Variants in ZMYND8 observed in about 807,000 individuals in gnomAD.
The protein encoded by ZMYND8 is zinc finger MYND-type containing 8.
Under a neutral mutation model 140.8 loss-of-function variants are expected in ZMYND8, and 37 were observed. The ratio of observed to expected loss-of-function variants is 0.26; its 90% CI spans 0.20 to 0.35. The LOEUF is 0.35. Among genes scored for constraint, ZMYND8 ranks in the 10% least tolerant of loss-of-function variants. ZMYND8 has a pLI of 1.00. For synonymous variants in ZMYND8, 592 were observed against 597.1 expected, an observed-to-expected ratio of 0.99 and a Z score of 0.12; for missense variants, 1,068 against 1,570.0, an observed-to-expected ratio of 0.68 and a Z score of 5.40.
At chr20:47,296,718 G>C (rs2077658089) in intron 4 of ZMYND8, among the ~76,000 whole-genome samples, 1 of 152,140 alleles carries the variant, frequency 6.6e-6, no homozygotes, top group African/African-American at 2.4e-5. Context: ...CAATTTGGGA[G>C]GTCAAGGTGG....
At chr20:47,301,984 TCTC>T (rs2078084434) in intron 3 of ZMYND8, among the ~76,000 whole-genome samples, 3 of 119,828 alleles carry the variant, frequency 2.5e-5, no homozygotes, top group African/African-American at 1.2e-4. Flanking sequence ...GCTCTGCACT[TCTC>T]CTCGAAGCAG....
chr20:47,218,464 A>G (rs1168718671), intron 21 of ZMYND8, among the ~76,000 whole-genome samples: 1 of 152,190 alleles, frequency 6.6e-6, no homozygotes, highest in African/African-American at 2.4e-5. Flanking sequence ...TAACTTAGGT[A>G]AATAACTAAA....
chr20:47,235,328 T>C (rs1344274534), intron 16 of ZMYND8, among the ~76,000 whole-genome samples: 2 of 152,164 alleles, frequency 1.3e-5, no homozygotes, highest in East Asian at 1.9e-4. Flanking sequence ...AATGACAAGA[T>C]ACACAGCACA....
At chr20:47,292,336 AAT>A (rs1302360346) in intron 5 of ZMYND8, among the ~76,000 whole-genome samples, 1 of 152,114 alleles carries the variant, frequency 6.6e-6, no homozygotes, top group Non-Finnish European at 1.5e-5. Flanking sequence ...TCTTTTTGTT[AAT>A]AGTCATTAGC....
At position 47,220,284 on chromosome 20, in the gene ZMYND8, A is replaced by G. The variant is rs748773829; in HGVS notation, c.3458T>C (p.Ile1153Thr). 6.4e-7 allele frequency: 1 copy of G among 1,565,150 alleles called. No individual in the cohort carries two copies. The highest frequency in any genetic ancestry group is 8.7e-7 in the Non-Finnish European group (1 of 1,153,758). The change falls in exon 21 of 23, where the codon ATT becomes ACT. Residue 1153 changes from isoleucine to threonine, a missense_variant. This residue lies in a region of ZMYND8 where 180 missense variants were observed against 187.8 expected (regional missense o/e 0.96). Coordinates refer to ENST00000471951, the MANE Select transcript of ZMYND8 (RefSeq NM_001281775.3). ...AGAGCCTTGGTTGGAGCCTAAGAGA[A>G]TGGAGGAGGGCGTCTCTCTGGAGCC... The part of the protein sequence containing the change: ...LSGSRETPSS[I>T]LLGSNQGSVS...
At chr20:47,256,389 G>T (rs1482050758) in intron 12 of ZMYND8, among the ~76,000 whole-genome samples, 1 of 152,292 alleles carries the variant, frequency 6.6e-6, no homozygotes, top group South Asian at 2.1e-4. Flanking sequence ...GGAGGCCGAG[G>T]CGAGTGGATC....
chr20:47,224,040 C>A (rs1224223167), intron 19 of ZMYND8, among the ~76,000 whole-genome samples: 1 of 152,154 alleles, frequency 6.6e-6, no homozygotes, highest in Admixed American at 6.5e-5. Context: ...CCAAAAAAAA[C>A]ACAGTGTCTC....
At position 47,219,055 on chromosome 20, in the gene ZMYND8, A is replaced by ATTT. The variant is rs3092175; in HGVS notation, c.3484+1200_3484+1202dup. On this transcript the variant is annotated intron_variant, in intron 21 of 22. Transcript: ENST00000471951. The stretch of plus-strand genomic sequence containing the variant: ...AACATGGCAAAACCCCGTTTCTACA[A>ATTT]TTTTTTTTTTTTTTTTTTTTGAGAG... Among the ~76,000 whole-genome samples the ATTT allele has an allele frequency of 8.5e-3, 948 of 110,906 alleles. 32 individuals are homozygous for ATTT. The highest frequency in any genetic ancestry group is 0.028 in the African/African-American group (847 of 29,888). The allele number at this position is 110,906 out of a possible 152,430, so 72.8% of individuals were successfully genotyped here.
chr20:47,278,012 ACCCAAG>A (rs1439630594), intron 10 of ZMYND8, among the ~76,000 whole-genome samples: 7 of 151,878 alleles, frequency 4.6e-5, no homozygotes, highest in African/African-American at 1.7e-4. Flanking sequence ...TCCCTCTGTC[ACCCAAG>A]CCAGAGAGCA....
chr20:47,276,934 G>C, intron 10 of ZMYND8, 139 bp from the exon 11 acceptor site: 1 of 807,162 alleles, frequency 1.2e-6, no homozygotes, highest in East Asian at 3.0e-5. Flanking sequence ...AAAAAACTTG[G>C]TTTGAAGGAT....
rs958496112 is a variant in ZMYND8, at chr20:47,246,247, G to A, written c.2045C>T (p.Ala682Val). The A allele has an allele frequency of 6.2e-7, 1 of 1,614,186 alleles. No homozygotes were observed. Among genetic ancestry groups the A allele is most frequent in the Non-Finnish European group, 8.5e-7 (1 of 1,180,040 alleles). ...SPASEKADPG[A>V]VKDKASPEPE... ...CTCAGGGCTGGCCTTGTCCTTGACT[G>A]CTCCAGGGTCTGCCTTCTCGCTGGC... Residue 682 changes from alanine (A) to valine (V), a missense_variant, in exon 14 of 23, where the codon GCA becomes GTA. Coordinates refer to ENST00000471951, the MANE Select transcript of ZMYND8 (RefSeq NM_001281775.3).
rs923882948 is a variant in ZMYND8, at chr20:47,209,491, C to T, written c.*1270G>A. The T allele has an allele frequency of 4.0e-5, 6 of 151,192 alleles. No homozygotes were observed. The South Asian group carries it at 8.3e-4, about 21-fold the overall frequency. 9.4% of individuals were successfully genotyped at this position (151,192 alleles called of 1,614,324 possible). ...TTGACAACTGCAATTCACAAATGTT[C>T]TTTCTCTCCTGTTTTCTTCTAATAC... On this transcript the variant is annotated 3_prime_UTR_variant, in exon 23 of 23. Transcript: ENST00000471951.
At position 47,238,932 on chromosome 20, in the gene ZMYND8, C is replaced by G. The variant is rs1005821395; in HGVS notation, c.2491G>C (p.Ala831Pro). Residue 831 changes from alanine to proline, a missense_variant, in exon 15 of 23, where the codon GCC becomes CCC. Physicochemically the swap from Ala to Pro is conservative, Grantham distance 27. Coordinates refer to ENST00000471951, the MANE Select transcript of ZMYND8 (RefSeq NM_001281775.3). ...CACACGACCCGCTGCACGGCCGGGG[C>G]AGTCTCCTTCGGTAAAAGCGGCCTC... ...KQRPLLPKET[A>P]PAVQRVVWNS... The G allele has an allele frequency of 8.1e-6, 13 of 1,613,970 alleles. No individual in the cohort carries two copies. In the African/African-American group the frequency reaches 1.7e-4, roughly 22 times the overall value.
intron 11 of ZMYND8, among the ~76,000 whole-genome samples, chr20:47,269,659 T>C (rs2075789467): frequency 6.6e-6 from 1 of 152,170 alleles, no homozygotes; most frequent in Non-Finnish European, 1.5e-5. Context: ...CTGACTACAG[T>C]AGGAAACATG....
At chr20:47,356,387 T>C (rs1185150516) in intron 1 of ZMYND8, 4 of 1,518,294 alleles carry the variant, frequency 2.6e-6, no homozygotes, top group Non-Finnish European at 8.8e-7. Flanking sequence ...TACCAGGATC[T>C]AGCTTCAAAC....
At chr20:47,339,905 G>C (rs748085525) in intron 2 of ZMYND8, among the ~76,000 whole-genome samples, 6 of 151,968 alleles carry the variant, frequency 3.9e-5, no homozygotes, top group Non-Finnish European at 7.4e-5. Context: ...TAGAAAGGGG[G>C]CAAGACAGAA....
chr20:47,227,084 A>T, intron 18 of ZMYND8, 119 bp downstream of exon 18: 1 of 1,068,492 alleles, frequency 9.4e-7, no homozygotes, highest in Non-Finnish European at 1.4e-6. Flanking sequence ...TGGTCTCCCT[A>T]CGAGTCATAC....
chr20:47,325,287 C>G (rs1261554890), intron 2 of ZMYND8, among the ~76,000 whole-genome samples: 1 of 152,148 alleles, frequency 6.6e-6, no homozygotes, highest in Non-Finnish European at 1.5e-5. Context: ...AGTGTGAGCT[C>G]AATCTCAGCT....
intron 11 of ZMYND8, among the ~76,000 whole-genome samples, chr20:47,263,132 G>A (rs984352627): frequency 6.6e-6 from 1 of 152,094 alleles, no homozygotes; most frequent in African/African-American, 2.4e-5. Flanking sequence ...AACCACTTAC[G>A]TTTAAAAAAG....
Sources: allele counts gnomAD v4.1 joint callset (sites outside exome capture counted in the v4.1 genomes callset), GRCh38; gene constraint gnomAD v4.1.1; regional missense constraint gnomAD v4.1.1; transcripts MANE v1.5; gene names NCBI Gene and HGNC (gene_info 2026-07-23, HGNC 2026-07-21).